The following LETMD1 variants were observed in gnomAD, a reference collection of about 807,000 sequenced individuals.
The protein encoded by LETMD1 is LETM1 domain-containing protein 1.
LETMD1 carries 30 observed loss-of-function variants against 43.9 expected under a neutral mutation model. That is an observed-to-expected ratio of 0.68 (90% CI 0.51 to 0.93). The LOEUF is 0.93. Among genes scored for constraint, LETMD1 ranks in the 40% least tolerant of loss-of-function variants. LETMD1 has a pLI of 0.00. For synonymous variants in LETMD1, 176 were observed against 163.1 expected (o/e 1.08, Z -0.60); for missense variants, 413 against 447.7 (o/e 0.92, Z 0.70).
Position 51,059,554 on chromosome 12 carries a change from G to C in LETMD1, c.*123G>C. ...TGTGTGGGAGGCAGAGAGAGGAGCA[G>C]GGGCCATGGGCTTCACAGCATGGCA... On this transcript the variant is annotated 3_prime_UTR_variant, in exon 9 of 9. Transcript: ENST00000262055. 1 of 829,934 alleles carries C rather than the reference G, an allele frequency of 1.2e-6. No homozygotes were observed. Among genetic ancestry groups the C allele is most frequent in the Non-Finnish European group, 2.0e-6 (1 of 490,854 alleles). 51.4% of individuals were successfully genotyped at this position (829,934 alleles called of 1,614,324 possible). A position where few individuals can be genotyped will look rare whatever the true frequency, so the allele number is the denominator to read the frequency against.
At chr12:51,062,468 C>T (rs758254316), downstream of LETMD1, 1 of 152,204 alleles carries the variant, frequency 6.6e-6, no homozygotes, top group Non-Finnish European at 1.5e-5. Context: ...AACTGTATTC[C>T]TCCTGACAGA....
intron 3 of LETMD1, among the ~76,000 whole-genome samples, chr12:51,052,944 A>T (rs542610690): frequency 3.3e-5 from 5 of 150,870 alleles, no homozygotes; most frequent in African/African-American, 7.3e-5. Flanking sequence ...CATCTCTACT[A>T]AAAATTCAAA....
chr12:51,065,693 C>G, the LETMD1 span, among the ~76,000 whole-genome samples: 1 of 152,112 alleles, frequency 6.6e-6, no homozygotes. Context: ...CTCCTGGGCT[C>G]AAGCAGTCCT....
At chr12:51,055,132 A>C (rs562164518) in intron 4 of LETMD1, among the ~76,000 whole-genome samples, 1 of 152,148 alleles carries the variant, frequency 6.6e-6, no homozygotes, top group East Asian at 1.9e-4. Flanking sequence ...TGCCTTTTAC[A>C]TACTGGGTCC....
intron 3 of LETMD1, among the ~76,000 whole-genome samples, chr12:51,052,935 A>G (rs986944975): frequency 6.6e-6 from 1 of 151,456 alleles, no homozygotes; most frequent in Non-Finnish European, 1.5e-5. Flanking sequence ...GTGAAACCCC[A>G]TCTCTACTAA....
intron 4 of LETMD1, 179 bp from the exon 5 acceptor site, chr12:51,055,656 C>T (rs1451872603): frequency 1.3e-5 from 6 of 447,424 alleles, no homozygotes; most frequent in Non-Finnish European, 1.9e-5. Flanking sequence ...GAGAGGGGAC[C>T]CTGTCTCTTA....
At chr12:51,048,523 T>C (rs374744444) in intron 1 of LETMD1, 45 bp downstream of exon 1, 1 of 1,604,804 alleles carries the variant, frequency 6.2e-7, no homozygotes, top group South Asian at 1.1e-5. Flanking sequence ...GTCCAGGCTC[T>C]TTCAGTGTCT....
the LETMD1 span, among the ~76,000 whole-genome samples, chr12:51,067,282 GA>G: frequency 6.6e-6 from 1 of 152,050 alleles, no homozygotes; most frequent in Non-Finnish European, 1.5e-5. The surrounding 1 kb of genome is among the most constrained non-coding windows in gnomAD (Gnocchi z 4.1). Context: ...TCACCTCTGA[GA>G]AATGAAACAA....
At chr12:51,064,638 G>A, downstream of LETMD1, 1 of 1,532,860 alleles carries the variant, frequency 6.5e-7, no homozygotes, top group Non-Finnish European at 8.8e-7. Context: ...GCCATCCCGG[G>A]AGCAGCCACA....
At chr12:51,052,538 T>C (rs1352805477) in intron 3 of LETMD1, among the ~76,000 whole-genome samples, 1 of 152,174 alleles carries the variant, frequency 6.6e-6, no homozygotes, top group African/African-American at 2.4e-5. Flanking sequence ...ATCCCAGCAC[T>C]TTGGGAAGCC....
intron 2 of LETMD1, among the ~76,000 whole-genome samples, chr12:51,050,315 C>T (rs540896671): frequency 4.6e-5 from 7 of 151,684 alleles, no homozygotes; most frequent in South Asian, 4.2e-4. Context: ...CTCTGCTTCC[C>T]GGATTCAAGC....
chr12:51,052,362 T>C lies in LETMD1; in HGVS notation c.390+155T>C. 14 of 808,842 alleles carry C rather than the reference T, an allele frequency of 1.7e-5. No individual in the cohort carries two copies. In the South Asian group the frequency reaches 2.8e-4, roughly 16 times the overall value. The allele number at this position is 808,842 out of a possible 1,614,324, so 50.1% of individuals were successfully genotyped here. On this transcript the variant is annotated intron_variant, in intron 3 of 8. Coordinates refer to ENST00000262055, the MANE Select transcript of LETMD1 (RefSeq NM_015416.5). Reference sequence around the variant, plus strand: ...TATTGAACTGAATGAGGCATCAGATTATTTGTAAGAATTGGGTTCATCCAG... The same window carrying C: ...TATTGAACTGAATGAGGCATCAGATCATTTGTAAGAATTGGGTTCATCCAG...
downstream of LETMD1, chr12:51,063,690 A>T: frequency 7.5e-7 from 1 of 1,335,900 alleles, no homozygotes; most frequent in Non-Finnish European, 1.0e-6. Flanking sequence ...AAATGGTGTT[A>T]GATAAAATAA....
chr12:51,052,676 G>A (rs1224703393), intron 3 of LETMD1, among the ~76,000 whole-genome samples: 1 of 151,950 alleles, frequency 6.6e-6, no homozygotes, highest in Non-Finnish European at 1.5e-5. Context: ...AGCTACTCGG[G>A]AGGCTGAGGC....
Position 51,059,529 on chromosome 12 carries a change from T to C in LETMD1, c.*98T>C. ...AGCAAAGTCTGTGTGTACTGTTAAG[T>C]GTGTGGGAGGCAGAGAGAGGAGCAG... is the stretch of plus-strand genomic sequence containing the variant. On this transcript the variant is annotated 3_prime_UTR_variant, in exon 9 of 9. Transcript: ENST00000262055. The C allele has an allele frequency of 9.3e-7, 1 of 1,074,972 alleles. No homozygotes were observed. The highest frequency in any genetic ancestry group is 1.4e-6 in the Non-Finnish European group (1 of 697,382). 66.6% of individuals were successfully genotyped at this position (1,074,972 alleles called of 1,614,324 possible). A position where few individuals can be genotyped will look rare whatever the true frequency, so the allele number is the denominator to read the frequency against.
At chr12:51,054,072 T>A (rs976429404) in intron 4 of LETMD1, among the ~76,000 whole-genome samples, 3 of 152,078 alleles carry the variant, frequency 2.0e-5, no homozygotes, top group African/African-American at 2.4e-5. Flanking sequence ...TGGCCTAGAC[T>A]CTCCCTATCT....
rs758474377 is a variant in LETMD1 at position 51,055,984 on chromosome 12, C to T, written c.623C>T (p.Ala208Val). Residue 208 changes from alanine (A) to valine (V), a missense_variant, in exon 5 of 9, where the codon GCA (alanine) becomes GTA (valine). Ala to Val is a moderately conservative substitution (Grantham distance 64). Transcript: ENST00000262055. ...AAGGTCATCCCTCTCATTTCTGATG[C>T]AGGACTCCGGTGGCGTCTGACAGAT... ...LEKVIPLISD[A>V]GLRWRLTDLC... is the part of the protein sequence containing the mutation. 6 of 1,613,946 alleles carry T rather than the reference C, an allele frequency of 3.7e-6. No individual in the cohort carries two copies. The African/African-American group carries it at 5.3e-5, about 14-fold the overall frequency.
chr12:51,062,149 C>T (rs1937633221), downstream of LETMD1: 1 of 152,164 alleles, frequency 6.6e-6, no homozygotes, highest in Non-Finnish European at 1.5e-5. Context: ...TTAGAGACTT[C>T]AGGGGTGAAA....
At position 51,059,451 on chromosome 12, in the gene LETMD1, G is replaced by A. The variant is rs1172622998; in HGVS notation, c.*20G>A. The stretch of plus-strand genomic sequence containing the variant: ...CGCTGAATGAACCATGGAGCGGATG[G>A]CATTGTCCTGCAGTCGTATAGTATA... On this transcript the variant is annotated 3_prime_UTR_variant, in exon 9 of 9. Transcript: ENST00000262055. 1.9e-6 allele frequency: 3 copies of A among 1,607,616 alleles called. No homozygotes were observed. The highest frequency in any genetic ancestry group is 2.6e-6 in the Non-Finnish European group (3 of 1,174,086).
Sources: allele counts gnomAD v4.1 joint callset (sites outside exome capture counted in the v4.1 genomes callset), GRCh38; gene constraint gnomAD v4.1.1; non-coding constraint Gnocchi (gnomAD v3.1); transcripts MANE v1.5; gene names NCBI Gene and HGNC (gene_info 2026-07-23, HGNC 2026-07-21).